Variants in CPNE2 observed in about 807,000 individuals in gnomAD.
The protein encoded by CPNE2 is copine-2.
In CPNE2, 42 loss-of-function variants were observed where a neutral mutation model predicts 69.7. The ratio of observed to expected loss-of-function variants is 0.60; its 90% CI spans 0.47 to 0.78. The LOEUF (loss-of-function observed/expected upper bound fraction) is 0.78. Among genes scored for constraint, CPNE2 ranks in the 30% least tolerant of loss-of-function variants. The pLI, the probability that CPNE2 is intolerant of heterozygous loss-of-function variation, is 0.00. For synonymous variants in CPNE2, 294 were observed against 289.8 expected, an observed-to-expected ratio of 1.01 and a Z score of -0.15; for missense variants, 587 against 732.0, an observed-to-expected ratio of 0.80 and a Z score of 2.29.
At chr16:57,111,903 T>C (rs1162545627) in intron 2 of CPNE2, among the ~76,000 whole-genome samples, 1 of 152,202 alleles carries the variant, frequency 6.6e-6, no homozygotes, top group African/African-American at 2.4e-5. Context: ...AAGGAAACTA[T>C]TGGAGTAAAT....
chr16:57,100,391 A>G (rs1479695838), intron 1 of CPNE2, among the ~76,000 whole-genome samples: 1 of 152,252 alleles, frequency 6.6e-6, no homozygotes, highest in Non-Finnish European at 1.5e-5. Context: ...TGAGAGCTTC[A>G]TCAGGGAACC....
chr16:57,122,297 G>A (rs1479403816), intron 9 of CPNE2, among the ~76,000 whole-genome samples: 2 of 152,234 alleles, frequency 1.3e-5, no homozygotes, highest in African/African-American at 4.8e-5. Context: ...CCTGGGGCAG[G>A]AGAGCAAGAG....
Position 57,119,209 on chromosome 16 carries a change from G to A in CPNE2, c.522G>A (p.Lys174=). 1 of 1,614,130 alleles carries A rather than the reference G, an allele frequency of 6.2e-7. No individual in the cohort carries two copies. Among genetic ancestry groups the A allele is most frequent in the Non-Finnish European group, 8.5e-7 (1 of 1,180,016 alleles). ...RRLDKKDLFG[K]SDPFLEFYKP... is the part of the protein sequence containing the mutation. ...ACTTCTCCCAGGACCTCTTTGGGAAGTCAGACCCCTTTCTGGAGTTTTATA... is the reference window on the plus strand; with the variant it reads ...ACTTCTCCCAGGACCTCTTTGGGAAATCAGACCCCTTTCTGGAGTTTTATA... The change falls in exon 6 of 16, where the codon AAG becomes AAA. Residue 174 remains lysine (K), a synonymous_variant. Coordinates refer to ENST00000290776, the MANE Select transcript of CPNE2 (RefSeq NM_152727.6).
rs768799184 is a variant in CPNE2 at position 57,137,193 on chromosome 16, A to G, written c.1213A>G (p.Ile405Val). The G allele has an allele frequency of 2.9e-5, 47 of 1,614,170 alleles. No individual in the cohort carries two copies. Among genetic ancestry groups the G allele is most frequent in the Non-Finnish European group, 4.0e-5 (47 of 1,180,024 alleles). Residue 405 changes from isoleucine to valine, a missense_variant, in exon 14 of 16, where the codon ATC becomes GTC. By Grantham distance (29) the Ile-to-Val change is conservative. This residue lies in a region of CPNE2 where 185 missense variants were observed against 252.3 expected (regional missense o/e 0.73). Coordinates refer to ENST00000290776, the MANE Select transcript of CPNE2 (RefSeq NM_152727.6). Reference sequence around the variant, plus strand: ...GGCGTACTCAGCTTGCCTGCCCCACATCCGCTTCTACGGTCCTACCAATTT... The same window carrying G: ...GGCGTACTCAGCTTGCCTGCCCCACGTCCGCTTCTACGGTCCTACCAATTT... ...AQAYSACLPH[I>V]RFYGPTNFSP...
At chr16:57,117,673 C>T in intron 5 of CPNE2, 106 bp downstream of exon 5, 1 of 1,302,018 alleles carries the variant, frequency 7.7e-7, no homozygotes, top group Non-Finnish European at 1.1e-6. Context: ...CCATCACATT[C>T]TAGGGACTGG....
At chr16:57,121,606 G>A in intron 8 of CPNE2, 68 bp from the exon 9 acceptor site, 6 of 1,482,148 alleles carry the variant, frequency 4.0e-6, no homozygotes, top group Non-Finnish European at 5.6e-6. Flanking sequence ...GGGATTCTAG[G>A]GCCAAGGAGG....
In CPNE2 at chr16:57,137,134, C is replaced by A. The variant is rs767208711; in HGVS notation, c.1169-15C>A. On this transcript the variant is annotated splice_polypyrimidine_tract_variant and intron_variant, in intron 13 of 15. Transcript: ENST00000290776. The stretch of plus-strand genomic sequence containing the variant: ...CAGGGAGACCTGGCTGATCCAGACT[C>A]TTCTCCCGAGGCAGGTGTGGATGGT... 1 of 1,613,212 alleles carries A rather than the reference C, an allele frequency of 6.2e-7. No individual in the cohort carries two copies. Among genetic ancestry groups the A allele is most frequent in the Non-Finnish European group, 8.5e-7 (1 of 1,179,240 alleles).
chr16:57,145,969 T>C, intron 14 of CPNE2, 116 bp from the exon 15 acceptor site: 1 of 838,778 alleles, frequency 1.2e-6, no homozygotes, highest in Non-Finnish European at 1.9e-6. Context: ...TGGCTGCAGC[T>C]GGGTAAGATG....
intron 13 of CPNE2, among the ~76,000 whole-genome samples, chr16:57,136,407 G>A (rs925596289): frequency 6.6e-6 from 1 of 152,142 alleles, no homozygotes; most frequent in African/African-American, 2.4e-5. Flanking sequence ...CCCCAACCAC[G>A]AACAGAAGCC....
At chr16:57,128,599 T>C (rs534970519) in intron 12 of CPNE2, among the ~76,000 whole-genome samples, 1 of 152,310 alleles carries the variant, frequency 6.6e-6, no homozygotes, top group Admixed American at 6.5e-5. Context: ...AAATCATCCA[T>C]TGTTTATCTG....
chr16:57,137,297 G>A lies in CPNE2; in HGVS notation c.1302+15G>A. 1 of 1,613,490 alleles carries A rather than the reference G, an allele frequency of 6.2e-7. No individual in the cohort carries two copies. Among genetic ancestry groups the A allele is most frequent in the Non-Finnish European group, 8.5e-7 (1 of 1,179,826 alleles). On this transcript the variant is annotated intron_variant, in intron 14 of 15. Coordinates refer to ENST00000290776, the MANE Select transcript of CPNE2 (RefSeq NM_152727.6). The stretch of plus-strand genomic sequence containing the variant: ...GGACGGCCACGGTGAGTAGGCAGCT[G>A]CAAGCCAGTCATGCCAGGAAACACG...
chr16:57,114,716 G>A (rs1330641263), intron 3 of CPNE2, among the ~76,000 whole-genome samples: 1 of 152,126 alleles, frequency 6.6e-6, no homozygotes, highest in Non-Finnish European at 1.5e-5. Context: ...GTGGGAGGGT[G>A]ACTTTGCAAT....
intron 1 of CPNE2, among the ~76,000 whole-genome samples, chr16:57,098,277 G>GT (rs2069590861): frequency 6.6e-6 from 1 of 152,178 alleles, no homozygotes; most frequent in South Asian, 2.1e-4. Context: ...ATTTATCCCC[G>GT]TAATGGCCTG....
At chr16:57,103,964 T>G (rs1342792393) in intron 1 of CPNE2, among the ~76,000 whole-genome samples, 1 of 152,232 alleles carries the variant, frequency 6.6e-6, no homozygotes, top group Admixed American at 6.5e-5. Flanking sequence ...TCACCCAGGC[T>G]GGAGTGCAGT....
Position 57,119,593 on chromosome 16 carries a change from G to A in CPNE2, c.624G>A (p.Lys208=), listed in dbSNP as rs1243605019. ...VIKYTLDPVW[K]PFTVPLVSLC... The stretch of plus-strand genomic sequence containing the variant: ...AGTACACACTGGACCCTGTGTGGAA[G>A]CCATTCACAGTGCCCTTGGTGTCCC... The change falls in exon 7 of 16, where the codon AAG becomes AAA. Residue 208 remains lysine, a synonymous_variant. Coordinates refer to ENST00000290776, the MANE Select transcript of CPNE2 (RefSeq NM_152727.6). 2.5e-6 allele frequency: 4 copies of A among 1,613,270 alleles called. No homozygotes were observed. Among genetic ancestry groups the A allele is most frequent in the Admixed American group, 3.3e-5 (2 of 59,830 alleles).
chr16:57,120,359 T>G (rs1321740279), intron 7 of CPNE2, among the ~76,000 whole-genome samples: 5 of 150,334 alleles, frequency 3.3e-5, no homozygotes, highest in African/African-American at 7.4e-5. Flanking sequence ...TGGATCACGA[T>G]GTCAGGAGAT....
At chr16:57,094,991 G>A (rs568593447) in intron 1 of CPNE2, among the ~76,000 whole-genome samples, 81 of 152,312 alleles carry the variant, frequency 5.3e-4, no homozygotes, top group Admixed American at 2.1e-3. Context: ...GAAGCCCTCA[G>A]CTCAGGGTCA....
chr16:57,110,764 G>T lies in CPNE2; in HGVS notation c.22G>T (p.Gly8Cys). Reference protein sequence around the residue: MAHIPSGGAPAAGAAPMG... With the variant: MAHIPSGCAPAAGAAPMG... ...TCCCATGGCCCACATACCCAGTGGG[G>T]GTGCCCCAGCAGCGGGGGCAGCCCC... is the stretch of plus-strand genomic sequence containing the variant. The change falls in exon 2 of 16, where the codon GGT becomes TGT. Residue 8 changes from glycine (G) to cysteine (C), a missense_variant. By Grantham distance (159) the Gly-to-Cys change is radical. Transcript: ENST00000290776. 6.2e-7 allele frequency: 1 copy of T among 1,612,374 alleles called. No homozygotes were observed. The highest frequency in any genetic ancestry group is 8.5e-7 in the Non-Finnish European group (1 of 1,179,182).
Position 57,117,516 on chromosome 16 carries a change from C to T in CPNE2, c.456C>T (p.Ser152=), listed in dbSNP as rs752617824. 9.9e-6 allele frequency: 16 copies of T among 1,613,698 alleles called. No individual in the cohort carries two copies. The highest frequency in any genetic ancestry group is 1.6e-4 in the Middle Eastern group (1 of 6,080). ...TACAGATCGCTGCCCAGGAGCTGTC[C>T]GACAACCGCGTCATCACACTAAGCC... ...GLITIAAQEL[S]DNRVITLSLA... Residue 152 remains serine, a synonymous_variant, in exon 5 of 16, where the codon TCC becomes TCT. Coordinates refer to ENST00000290776, the MANE Select transcript of CPNE2 (RefSeq NM_152727.6).
Sources: allele counts gnomAD v4.1 joint callset (sites outside exome capture counted in the v4.1 genomes callset), GRCh38; gene constraint gnomAD v4.1.1; regional missense constraint gnomAD v4.1.1; transcripts MANE v1.5; gene names NCBI Gene and HGNC (gene_info 2026-07-23, HGNC 2026-07-21).